SLC26A9: variants seen among roughly 807,000 people sequenced by gnomAD.
SLC26A9 encodes the protein solute carrier family 26 member 9.
Under a neutral mutation model 87.1 loss-of-function variants are expected in SLC26A9, and 46 were observed. That is an observed-to-expected ratio of 0.53 (90% CI 0.42 to 0.67). The LOEUF (loss-of-function observed/expected upper bound fraction) is 0.67. Among genes scored for constraint, SLC26A9 ranks in the 30% least tolerant of loss-of-function variants. The pLI is 0.00. For synonymous variants in SLC26A9, 437 were observed against 409.1 expected, an observed-to-expected ratio of 1.07 and a Z score of -0.82; for missense variants, 927 against 1,018.3, an observed-to-expected ratio of 0.91 and a Z score of 1.22.
At chr1:205,928,974 C>G (rs1455004855) in intron 7 of SLC26A9, 65 bp from the exon 8 acceptor site, 5 of 1,583,530 alleles carry the variant, frequency 3.2e-6, no homozygotes, top group South Asian at 1.1e-5. Flanking sequence ...GCGTCTCTCT[C>G]AAGTCTCCCT....
rs376025372 is a variant in SLC26A9 at position 205,935,664 on chromosome 1, G to A, written c.125+32C>T. ...AGAAAGGATTTTGGTAGGGAGCAGA[G>A]GAGGCAGAAGTCTGGGCTCTGGACC... On this transcript the variant is annotated intron_variant, in intron 2 of 20. Coordinates refer to ENST00000367135, the MANE Select transcript of SLC26A9 (RefSeq NM_052934.4). 36 of 1,613,424 alleles carry A rather than the reference G, an allele frequency of 2.2e-5. No individual in the cohort carries two copies. In the Middle Eastern group the frequency reaches 5.0e-4, roughly 22 times the overall value.
chr1:205,919,290 AT>A (rs1007856407), intron 18 of SLC26A9, among the ~76,000 whole-genome samples: 3 of 152,188 alleles, frequency 2.0e-5, no homozygotes, highest in African/African-American at 7.2e-5. Context: ...TGCCAGTTCT[AT>A]CCCCCAAGGA....
chr1:205,923,434 C>A lies in SLC26A9; in HGVS notation c.1567-7G>T. 1 of 1,614,132 alleles carries A rather than the reference C, an allele frequency of 6.2e-7. No homozygotes were observed. Among genetic ancestry groups the A allele is most frequent in the Non-Finnish European group, 8.5e-7 (1 of 1,179,998 alleles). ...TCCCCTGGATATCCTGGGCCTGTGA[C>A]AGGGAGACTGAGCTCAAGTTGCAGA... On this transcript the variant is annotated splice_region_variant and splice_polypyrimidine_tract_variant and intron_variant, in intron 14 of 20. Coordinates refer to ENST00000367135, the MANE Select transcript of SLC26A9 (RefSeq NM_052934.4).
intron 5 of SLC26A9, among the ~76,000 whole-genome samples, chr1:205,931,612 G>A (rs779620920): frequency 3.3e-5 from 5 of 151,898 alleles, no homozygotes; most frequent in South Asian, 2.1e-4. Flanking sequence ...GACTACAGGC[G>A]CATACTACCA....
intron 5 of SLC26A9, among the ~76,000 whole-genome samples, chr1:205,930,568 A>G (rs886273361): frequency 6.6e-6 from 1 of 152,026 alleles, no homozygotes; most frequent in African/African-American, 2.4e-5. Flanking sequence ...CCCACTCATC[A>G]TTGTGTAGCC....
intron 1 of SLC26A9, among the ~76,000 whole-genome samples, chr1:205,939,205 A>G (rs1264224564): frequency 6.6e-6 from 1 of 152,174 alleles, no homozygotes; most frequent in African/African-American, 2.4e-5. Flanking sequence ...CATTTGTCCA[A>G]TTGTCTCATT....
chr1:205,922,468 G>A (rs909426100), intron 16 of SLC26A9, among the ~76,000 whole-genome samples: 9 of 152,190 alleles, frequency 5.9e-5, no homozygotes, highest in African/African-American at 2.2e-4. Context: ...GGGCTGCCTG[G>A]GTTCCCCAGG....
chr1:205,923,350 T>C lies in SLC26A9; in HGVS notation c.1644A>G (p.Gln548=). The change falls in exon 15 of 21, where the codon CAA becomes CAG. Residue 548 remains glutamine, a synonymous_variant. Transcript: ENST00000367135. The part of the protein sequence containing the change: ...LYFANSEIFR[Q]KVIAKTGMDP... ...TGAGCCTTACCTTGGCGATGACCTT[T>C]TGCCTGAAGATCTCTGAGTTGGCAA... 6.2e-7 allele frequency: 1 copy of C among 1,614,160 alleles called. No homozygotes were observed. The highest frequency in any genetic ancestry group is 2.2e-5 in the East Asian group (1 of 44,888).
intron 2 of SLC26A9, chr1:205,935,183 A>G (rs1891309): frequency 0.11 from 16,897 of 152,500 alleles, 1,309 homozygotes; most frequent in African/African-American, 0.21. Flanking sequence ...GGGCGCTGGT[A>G]GGACTACACC....
At chr1:205,941,824 G>T (rs1205281357) in intron 1 of SLC26A9, among the ~76,000 whole-genome samples, 1 of 152,222 alleles carries the variant, frequency 6.6e-6, no homozygotes, top group Non-Finnish European at 1.5e-5. Context: ...ATGGGCACTT[G>T]AGGTTAAATT....
chr1:205,936,435 C>T (rs958249687), intron 1 of SLC26A9, among the ~76,000 whole-genome samples: 7 of 152,104 alleles, frequency 4.6e-5, no homozygotes, highest in African/African-American at 9.7e-5. Flanking sequence ...GTCCACCTGC[C>T]GGCTCTCTCT....
intron 1 of SLC26A9, among the ~76,000 whole-genome samples, chr1:205,936,565 A>G (rs2102601723): frequency 6.6e-6 from 1 of 152,236 alleles, no homozygotes; most frequent in Non-Finnish European, 1.5e-5. Context: ...GCTGAGTGCC[A>G]GGGCCCCTGA....
At chr1:205,927,372 T>C in intron 10 of SLC26A9, 84 bp from the exon 11 acceptor site, 5 of 1,570,798 alleles carry the variant, frequency 3.2e-6, no homozygotes, top group Non-Finnish European at 4.4e-6. Flanking sequence ...TTTGGTGGAG[T>C]GGAGACTAAG....
At chr1:205,926,686 C>T (rs766541041) in intron 11 of SLC26A9, 56 bp from the exon 12 acceptor site, 414 of 1,433,610 alleles carry the variant, frequency 2.9e-4, no homozygotes, top group Non-Finnish European at 3.9e-4. Flanking sequence ...TTTTTGCCCT[C>T]CTGCGCATAC....
chr1:205,923,802 G>A (rs1050477333), intron 13 of SLC26A9, among the ~76,000 whole-genome samples, 189 bp from the exon 14 acceptor site: 12 of 152,174 alleles, frequency 7.9e-5, no homozygotes, highest in African/African-American at 2.9e-4. Context: ...ATAACTATGA[G>A]GATGACAGGC....
At chr1:205,920,436 A>C (rs907326911) in intron 17 of SLC26A9, among the ~76,000 whole-genome samples, 1 of 152,210 alleles carries the variant, frequency 6.6e-6, no homozygotes, top group Non-Finnish European at 1.5e-5. Context: ...TGGAGCGGAA[A>C]TGGACTTTTG....
chr1:205,916,891 G>A (rs1658613981), intron 20 of SLC26A9, among the ~76,000 whole-genome samples: 2 of 151,930 alleles, frequency 1.3e-5, no homozygotes, highest in Admixed American at 6.6e-5. Flanking sequence ...GCTTGAGATC[G>A]GAAGTTCGAG....
Position 205,918,784 on chromosome 1 carries a change from G to C in SLC26A9, c.2256+56C>G, listed in dbSNP as rs1658699667. ...TGTGTTCTTTCTAATAATGCCTCTT[G>C]GTCCTGCTATTTCAGTGCCTTGGAG... On this transcript the variant is annotated intron_variant, in intron 19 of 20. Coordinates refer to ENST00000367135, the MANE Select transcript of SLC26A9 (RefSeq NM_052934.4). 4 of 1,571,416 alleles carry C rather than the reference G, an allele frequency of 2.5e-6. No individual in the cohort carries two copies. The African/African-American group carries it at 4.1e-5, about 16-fold the overall frequency.
rs765453026 is a variant in SLC26A9 at position 205,928,830 on chromosome 1, C to T, written c.950G>A (p.Arg317His). 1.8e-5 allele frequency: 29 copies of T among 1,613,994 alleles called. No homozygotes were observed. In the East Asian group the frequency reaches 2.2e-4, roughly 12 times the overall value. Residue 317 changes from arginine to histidine, a missense_variant, in exon 8 of 21, where the codon CGC becomes CAC. Physicochemically the swap from Arg to His is conservative, Grantham distance 29 (BLOSUM62 0). Coordinates refer to ENST00000367135, the MANE Select transcript of SLC26A9 (RefSeq NM_052934.4). ...CTTCTGGGCCACCTGGACTCACCCG[C>T]GTTGGATTTCTCCCACGATCTGCAT... is the stretch of plus-strand genomic sequence containing the variant. ...YHMQIVGEIQ[R>H]GFPTPVSPVV...
Sources: allele counts gnomAD v4.1 joint callset (sites outside exome capture counted in the v4.1 genomes callset), GRCh38; gene constraint gnomAD v4.1.1; transcripts MANE v1.5; gene names NCBI Gene and HGNC (gene_info 2026-07-23, HGNC 2026-07-21).